CADPS: variants seen among roughly 807,000 people sequenced by gnomAD.
The protein encoded by CADPS is calcium dependent secretion activator, also known as calcium-dependent secretion activator 1.
Under a neutral mutation model 167.3 loss-of-function variants are expected in CADPS, and 57 were observed. The observed-to-expected ratio is 0.34, with a 90% CI of 0.28 to 0.42. The LOEUF is 0.42. CADPS is among the 20% of genes least tolerant of loss of function. CADPS has a pLI of 1.00. For missense variants in CADPS, 1,414 were observed against 1,738.1 expected, an observed-to-expected ratio of 0.81 and a Z score of 3.32; for synonymous variants, 676 against 635.3, an observed-to-expected ratio of 1.06 and a Z score of -0.96.
intron 1 of CADPS, among the ~76,000 whole-genome samples, chr3:62,852,036 T>C (rs1478844362): frequency 6.8e-6 from 1 of 147,870 alleles, no homozygotes; most frequent in East Asian, 2.0e-4. Flanking sequence ...CATCTTCCAT[T>C]GCTGATACCC....
chr3:62,717,913 C>T (rs986789452), intron 3 of CADPS, among the ~76,000 whole-genome samples: 7 of 152,176 alleles, frequency 4.6e-5, no homozygotes, highest in Admixed American at 4.6e-4. Flanking sequence ...GTTCCCACAA[C>T]ACATCACACT....
rs189333263 is a variant in CADPS, at chr3:62,872,905, T to C, written c.441+1684A>G. 1.5e-3 allele frequency among the ~76,000 whole-genome samples: 223 copies of C among 152,326 alleles called. 1 individual carries two copies. The highest frequency in any genetic ancestry group is 4.5e-3 in the African/African-American group (189 of 41,574). The stretch of plus-strand genomic sequence containing the variant: ...GGTGCTGTTATTACTGGGATAGATT[T>C]TGGAGGTTGAAGTTCCTATGCTGTA... On this transcript the variant is annotated intron_variant, in intron 1 of 29. Transcript: ENST00000383710.
rs528431702 is a variant in CADPS, at chr3:62,720,903, C to T, written c.888+32538G>A. 1.6e-3 allele frequency among the ~76,000 whole-genome samples: 243 copies of T among 150,664 alleles called. 2 individuals are homozygous for T. Among genetic ancestry groups the T allele is most frequent in the African/African-American group, 4.5e-3 (184 of 40,994 alleles). ...TGCGATCTTGGCTCACTGCAAGCTC[C>T]GCCTCCCAGGTTCACCCCATTCTCC... On this transcript the variant is annotated intron_variant, in intron 3 of 29. Transcript: ENST00000383710.
intron 6 of CADPS, among the ~76,000 whole-genome samples, chr3:62,630,431 C>T (rs1359262020): frequency 6.6e-6 from 1 of 152,180 alleles, no homozygotes; most frequent in African/African-American, 2.4e-5. Context: ...ACTCCCACCT[C>T]TCAGCTTCAA....
chr3:62,684,077 C>G (rs1165288181), intron 3 of CADPS, among the ~76,000 whole-genome samples: 1 of 152,022 alleles, frequency 6.6e-6, no homozygotes, highest in Non-Finnish European at 1.5e-5. Context: ...TCCAAACTTA[C>G]AGGGCAAGTT....
chr3:62,710,458 C>A (rs1437254671), intron 3 of CADPS, among the ~76,000 whole-genome samples: 1 of 152,092 alleles, frequency 6.6e-6, no homozygotes, highest in East Asian at 1.9e-4. Flanking sequence ...CCATGCTTCA[C>A]GTTCCTCATA....
chr3:62,690,998 A>G (rs575198098), intron 3 of CADPS, among the ~76,000 whole-genome samples: 1 of 152,206 alleles, frequency 6.6e-6, no homozygotes, highest in African/African-American at 2.4e-5. Context: ...AGCATGAAAA[A>G]GAAGTGAGCT....
chr3:62,720,930 G>C lies in CADPS; in HGVS notation c.888+32511C>G, dbSNP rs532207882. 1.5e-4 allele frequency among the ~76,000 whole-genome samples: 22 copies of C among 149,940 alleles called. No individual in the cohort carries two copies. The East Asian group carries it at 4.4e-3, about 30-fold the overall frequency. ...CCTCCCAGGTTCACCCCATTCTCCTGCCTCAGCCTCCTGAGTAGCTGGGAC... is the reference window on the plus strand; with the variant it reads ...CCTCCCAGGTTCACCCCATTCTCCTCCCTCAGCCTCCTGAGTAGCTGGGAC... On this transcript the variant is annotated intron_variant, in intron 3 of 29. Transcript: ENST00000383710.
intron 9 of CADPS, among the ~76,000 whole-genome samples, chr3:62,561,580 T>C (rs1272105244): frequency 1.3e-5 from 2 of 152,066 alleles, no homozygotes; most frequent in African/African-American, 4.8e-5. Flanking sequence ...AGATATCTCT[T>C]AATACATGTT....
At chr3:62,851,413 T>C (rs1101783) in intron 1 of CADPS, among the ~76,000 whole-genome samples, 107,630 of 132,780 alleles carry the variant, frequency 0.81, 44,276 homozygotes, top group Middle Eastern at 0.89. Flanking sequence ...CGGCTGGTAC[T>C]GGTTGTTCCT....
At chr3:62,606,053 C>T (rs1028580032) in intron 6 of CADPS, among the ~76,000 whole-genome samples, 42 of 152,086 alleles carry the variant, frequency 2.8e-4, no homozygotes, top group Non-Finnish European at 8.8e-5. Flanking sequence ...CACTCCCAAT[C>T]CTCTTATCTT....
At chr3:62,768,749 G>A (rs304194) in intron 1 of CADPS, among the ~76,000 whole-genome samples, 2,299 of 152,252 alleles carry the variant, frequency 0.015, 49 homozygotes, top group African/African-American at 0.052. Context: ...ATTAAATTAT[G>A]ATTCAGGATT....
chr3:62,640,735 G>A (rs2067247034), intron 6 of CADPS, among the ~76,000 whole-genome samples: 1 of 152,138 alleles, frequency 6.6e-6, no homozygotes, highest in Non-Finnish European at 1.5e-5. Context: ...CAATTCAGTA[G>A]AATATAATTT....
At chr3:62,607,926 C>T (rs2060914302) in intron 6 of CADPS, among the ~76,000 whole-genome samples, 1 of 152,160 alleles carries the variant, frequency 6.6e-6, no homozygotes, top group Non-Finnish European at 1.5e-5. Context: ...TGGCTAAATG[C>T]CCTTCAGTAA....
At chr3:62,714,497 C>CAA (rs1050241360) in intron 3 of CADPS, among the ~76,000 whole-genome samples, 1 of 151,986 alleles carries the variant, frequency 6.6e-6, no homozygotes, top group African/African-American at 2.4e-5. Context: ...ATTCCAAAGG[C>CAA]AAAGGGAAGA....
intron 6 of CADPS, among the ~76,000 whole-genome samples, chr3:62,636,445 G>C (rs2066321916): frequency 6.6e-6 from 1 of 152,196 alleles, no homozygotes; most frequent in Non-Finnish European, 1.5e-5. Flanking sequence ...TGGCATGAAA[G>C]CTTCTGAATC....
At chr3:62,741,498 C>T (rs6809324) in intron 3 of CADPS, among the ~76,000 whole-genome samples, 22,693 of 152,120 alleles carry the variant, frequency 0.15, 1,847 homozygotes, top group South Asian at 0.23. Flanking sequence ...TGATTCATCA[C>T]ATAAGCAGAA....
chr3:62,813,497 A>C lies in CADPS; in HGVS notation c.442-47513T>G, dbSNP rs181750709. Among the ~76,000 whole-genome samples the C allele has an allele frequency of 9.5e-3, 1,449 of 152,284 alleles. 6 individuals are homozygous for C. The highest frequency in any genetic ancestry group is 0.017 in the Non-Finnish European group (1,158 of 68,014). ...ATTAAAGACTTAACTGTAAGTCCTA[A>C]AATTATTAAAATCATAGAAGAAAAC... On this transcript the variant is annotated intron_variant, in intron 1 of 29. Transcript: ENST00000383710.
At chr3:62,727,024 C>T (rs1039489174) in intron 3 of CADPS, among the ~76,000 whole-genome samples, 1 of 151,764 alleles carries the variant, frequency 6.6e-6, no homozygotes, top group African/African-American at 2.4e-5. Flanking sequence ...GGTAGCTGTG[C>T]TTATTAGTAA....
Sources: gnomAD v4.1 joint callset for allele counts (sites outside exome capture counted in the v4.1 genomes callset) on GRCh38, gnomAD v4.1.1 for gene constraint, MANE v1.5 for transcripts, NCBI Gene and HGNC (gene_info 2026-07-23, HGNC 2026-07-21) for gene names.